The following CNTNAP5 variants were observed in gnomAD, a reference collection of about 807,000 sequenced individuals.
CNTNAP5 encodes contactin associated protein family member 5.
Under a neutral mutation model 150.2 loss-of-function variants are expected in CNTNAP5, and 72 were observed. The ratio of observed to expected loss-of-function variants is 0.48; its 90% CI spans 0.40 to 0.58. CNTNAP5 has a LOEUF of 0.58. CNTNAP5 is among the 20% of genes least tolerant of loss of function. The pLI, the probability that CNTNAP5 is intolerant of heterozygous loss-of-function variation, is 0.00. For missense variants in CNTNAP5, 1,636 were observed against 1,626.2 expected (o/e 1.01, Z -0.10); for synonymous variants, 672 against 619.8 (o/e 1.08, Z -1.25).
At chr2:124,643,509 G>A (rs957536677) in intron 12 of CNTNAP5, among the ~76,000 whole-genome samples, 2 of 152,106 alleles carry the variant, frequency 1.3e-5, no homozygotes, top group African/African-American at 4.8e-5. Context: ...ACTTAACAAG[G>A]TGGTAATAAT....
intron 21 of CNTNAP5, among the ~76,000 whole-genome samples, chr2:124,886,891 G>T (rs960006140): frequency 1.3e-5 from 2 of 151,958 alleles, no homozygotes; most frequent in African/African-American, 4.8e-5. Context: ...ATTGACTGCT[G>T]GCTGCAAACA....
intron 1 of CNTNAP5, among the ~76,000 whole-genome samples, chr2:124,061,162 T>C (rs1452249524): frequency 6.6e-6 from 1 of 152,180 alleles, no homozygotes; most frequent in African/African-American, 2.4e-5. Context: ...ATCCTCCCTG[T>C]GCCCCATTAA....
chr2:124,027,540 T>C (rs1265040736), intron 1 of CNTNAP5, among the ~76,000 whole-genome samples: 2 of 152,256 alleles, frequency 1.3e-5, no homozygotes, highest in Non-Finnish European at 2.9e-5. Context: ...TATTTTAGAA[T>C]AGCATTTTTT....
intron 19 of CNTNAP5, among the ~76,000 whole-genome samples, chr2:124,834,791 G>A (rs200537177): frequency 2.7e-5 from 4 of 147,488 alleles, no homozygotes; most frequent in Non-Finnish European, 6.0e-5. Context: ...ATATTTCACA[G>A]TATATATATA....
chr2:124,729,098 G>T (rs1558753277), intron 13 of CNTNAP5, among the ~76,000 whole-genome samples: 1 of 151,976 alleles, frequency 6.6e-6, no homozygotes, highest in Non-Finnish European at 1.5e-5. Context: ...TCCCACCTGA[G>T]AAGTCATGTA....
intron 3 of CNTNAP5, among the ~76,000 whole-genome samples, chr2:124,339,585 C>T (rs1392058470): frequency 6.6e-6 from 1 of 152,122 alleles, no homozygotes; most frequent in East Asian, 1.9e-4. Flanking sequence ...AAAAGGAATA[C>T]AAATTTTTAA....
At chr2:124,419,989 T>TTTC (rs1553466683) in intron 4 of CNTNAP5, among the ~76,000 whole-genome samples, 1,510 of 85,768 alleles carry the variant, frequency 0.018, 284 homozygotes, top group African/African-American at 0.03. Context: ...TCTTTCTTTC[T>TTTC]TTTTTTTTTT....
chr2:124,539,273 A>C (rs928134056), intron 10 of CNTNAP5, among the ~76,000 whole-genome samples: 1 of 152,216 alleles, frequency 6.6e-6, no homozygotes, highest in African/African-American at 2.4e-5. Context: ...AATTCCAATT[A>C]GGCCTTGTGG....
At chr2:124,716,114 T>C (rs549809941) in intron 13 of CNTNAP5, among the ~76,000 whole-genome samples, 2 of 152,178 alleles carry the variant, frequency 1.3e-5, no homozygotes, top group African/African-American at 2.4e-5. Flanking sequence ...TTTTTCCAAA[T>C]GGACAATTAT....
chr2:124,597,586 T>C (rs1216375772), intron 11 of CNTNAP5, among the ~76,000 whole-genome samples: 1 of 151,274 alleles, frequency 6.6e-6, no homozygotes, highest in African/African-American at 2.4e-5. Context: ...TTTTTTTCCT[T>C]CATTTCAACT....
At chr2:124,876,033 TG>T (rs1677853674) in intron 21 of CNTNAP5, among the ~76,000 whole-genome samples, 1 of 152,158 alleles carries the variant, frequency 6.6e-6, no homozygotes, top group Admixed American at 6.6e-5. Context: ...ACTCCACATT[TG>T]ACTGCTTACC....
chr2:124,826,799 G>A (rs1682603675), intron 19 of CNTNAP5, among the ~76,000 whole-genome samples: 1 of 152,126 alleles, frequency 6.6e-6, no homozygotes, highest in Admixed American at 6.5e-5. Flanking sequence ...GCGCTCACCT[G>A]AGCAGCAGGT....
intron 1 of CNTNAP5, among the ~76,000 whole-genome samples, chr2:124,031,735 A>G (rs1681057524): frequency 6.6e-6 from 1 of 152,214 alleles, no homozygotes; most frequent in South Asian, 2.1e-4. Context: ...AATCTAAAAA[A>G]AATACATAAT....
intron 10 of CNTNAP5, among the ~76,000 whole-genome samples, chr2:124,547,286 C>T (rs1695534594): frequency 6.6e-6 from 1 of 152,098 alleles, no homozygotes; most frequent in Non-Finnish European, 1.5e-5. Flanking sequence ...AAATTAAAAA[C>T]AAAATGAGGA....
chr2:124,791,610 T>G (rs1220650604), intron 18 of CNTNAP5, among the ~76,000 whole-genome samples: 1 of 151,838 alleles, frequency 6.6e-6, no homozygotes, highest in Non-Finnish European at 1.5e-5. Flanking sequence ...TGGAAGAACA[T>G]GGACAGTAGA....
intron 1 of CNTNAP5, among the ~76,000 whole-genome samples, chr2:124,177,264 C>T (rs1464201139): frequency 6.6e-6 from 1 of 151,988 alleles, no homozygotes; most frequent in Non-Finnish European, 1.5e-5. Flanking sequence ...TGTGGCTAGC[C>T]CCAGGGGAGA....
intron 14 of CNTNAP5, among the ~76,000 whole-genome samples, chr2:124,747,788 CTTTTT>C (rs34959025): frequency 9.4e-5 from 4 of 42,438 alleles, no homozygotes; most frequent in Non-Finnish European, 1.4e-4. Context: ...CCTAACTCTT[CTTTTT>C]TTTTTTTTTT....
rs190444061 is a variant in CNTNAP5 at position 124,897,588 on chromosome 2, A to G, written c.3437-5294A>G. 2.6e-5 allele frequency among the ~76,000 whole-genome samples: 4 copies of G among 151,672 alleles called. No individual in the cohort carries two copies. The East Asian group carries it at 5.8e-4, about 22-fold the overall frequency. ...TACACAGCAGACAGGTTGGATGTGT[A>G]GCTGGGAGACTGGGTGTTAGTGAGT... On this transcript the variant is annotated intron_variant, in intron 21 of 23. Transcript: ENST00000682447.
At chr2:124,755,108 A>G (rs1680811929) in intron 14 of CNTNAP5, among the ~76,000 whole-genome samples, 2 of 151,846 alleles carry the variant, frequency 1.3e-5, no homozygotes, top group Non-Finnish European at 1.5e-5. Context: ...TGATGCCACC[A>G]TCCTATCCAA....
Sources: allele counts gnomAD v4.1 joint callset (sites outside exome capture counted in the v4.1 genomes callset), GRCh38; gene constraint gnomAD v4.1.1; transcripts MANE v1.5; gene names NCBI Gene and HGNC (gene_info 2026-07-23, HGNC 2026-07-21).